The following CHP1 variants were observed in gnomAD, a reference collection of about 807,000 sequenced individuals.
CHP1 encodes calcineurin like EF-hand protein 1, also known as calcineurin B homologous protein 1.
CHP1 carries 11 observed loss-of-function variants against 27.4 expected under a neutral mutation model. The observed-to-expected ratio is 0.40, with a 90% CI of 0.25 to 0.67. The LOEUF is 0.67. CHP1 is among the 30% of genes least tolerant of loss of function. The pLI, the probability that CHP1 is intolerant of heterozygous loss-of-function variation, is 0.38. For synonymous variants in CHP1, 89 were observed against 87.4 expected (o/e 1.02, Z -0.10); for missense variants, 169 against 251.3 (o/e 0.67, Z 2.22).
At position 41,243,305 on chromosome 15, in the gene CHP1, A is replaced by C. The variant is rs540323671; in HGVS notation, c.68-362A>C. Among the ~76,000 whole-genome samples, 18 of 152,332 alleles carry C rather than the reference A, an allele frequency of 1.2e-4. No individual in the cohort carries two copies. In the East Asian group the frequency reaches 3.5e-3, roughly 29 times the overall value. ...GCAGTGAGTGAGATCGTGCCACTGC[A>C]CTCCAGCCTGGGTGACAAGAGCAAA... On this transcript the variant is annotated intron_variant, in intron 1 of 6. Coordinates refer to ENST00000334660, the MANE Select transcript of CHP1 (RefSeq NM_007236.5).
intron 2 of CHP1, among the ~76,000 whole-genome samples, chr15:41,250,034 C>T (rs575156949): frequency 6.7e-6 from 1 of 150,040 alleles, no homozygotes; most frequent in South Asian, 2.1e-4. Context: ...CAGAGACTCA[C>T]TCCGAAGCAT....
At chr15:41,245,965 T>C (rs2047332494) in intron 2 of CHP1, among the ~76,000 whole-genome samples, 1 of 152,332 alleles carries the variant, frequency 6.6e-6, no homozygotes, top group South Asian at 2.1e-4. Context: ...TTGATTTATT[T>C]TGAGTTGGTT....
intron 3 of CHP1, among the ~76,000 whole-genome samples, chr15:41,259,037 T>G (rs898558289): frequency 1.1e-4 from 16 of 152,206 alleles, no homozygotes; most frequent in African/African-American, 3.9e-4. Flanking sequence ...TCTTATGCCC[T>G]CTTTCATTTT....
rs148190589 is a variant in CHP1 at position 41,277,074 on chromosome 15, T to C, written c.412-1693T>C. ...ACCTAGATAAGTTCTGCTTACATCA[T>C]TGCCTAGATGAGAAGATAAAGGTTT... On this transcript the variant is annotated intron_variant, in intron 5 of 6. Transcript: ENST00000334660. 8.5e-3 allele frequency among the ~76,000 whole-genome samples: 1,291 copies of C among 152,334 alleles called. 25 individuals carry two copies. Among genetic ancestry groups the C allele is most frequent in the African/African-American group, 0.029 (1,226 of 41,574 alleles).
chr15:41,256,944 A>G lies in CHP1; in HGVS notation c.175A>G (p.Ile59Val), dbSNP rs558257421. The change falls in exon 3 of 7, where the codon ATC becomes GTC. Residue 59 changes from isoleucine (I) to valine (V), a missense_variant. Physicochemically the swap from Ile to Val is conservative, Grantham distance 29 (BLOSUM62 3). Coordinates refer to ENST00000334660, the MANE Select transcript of CHP1 (RefSeq NM_007236.5). ...TTTCCAGAGGATTCCAGAACTTGCC[A>G]TCAACCCACTGGGGGACCGGATCAT... ...EDFQRIPELA[I>V]NPLGDRIINA... The G allele has an allele frequency of 1.9e-6, 3 of 1,614,146 alleles. No homozygotes were observed. Among genetic ancestry groups the G allele is most frequent in the South Asian group, 1.1e-5 (1 of 91,084 alleles).
chr15:41,240,562 T>C (rs957458707), intron 1 of CHP1, among the ~76,000 whole-genome samples: 1 of 152,042 alleles, frequency 6.6e-6, no homozygotes, highest in Non-Finnish European at 1.5e-5. Flanking sequence ...AAGACCAGCC[T>C]GACCAACATG....
chr15:41,273,600 C>T lies in CHP1; in HGVS notation c.411+2982C>T, dbSNP rs571512604. 1.1e-3 allele frequency among the ~76,000 whole-genome samples: 163 copies of T among 151,222 alleles called. 1 individual carries two copies. The highest frequency in any genetic ancestry group is 1.8e-3 in the Non-Finnish European group (124 of 67,824). ...TTCACCATGTTGGTCAGGGTGGTGTCGATCTCCTGACTTCAGGTGATCCAC... is the reference window on the plus strand; with the variant it reads ...TTCACCATGTTGGTCAGGGTGGTGTTGATCTCCTGACTTCAGGTGATCCAC... On this transcript the variant is annotated intron_variant, in intron 5 of 6. Coordinates refer to ENST00000334660, the MANE Select transcript of CHP1 (RefSeq NM_007236.5).
At chr15:41,232,053 G>A (rs747061498) in intron 1 of CHP1, among the ~76,000 whole-genome samples, 10 of 151,840 alleles carry the variant, frequency 6.6e-5, no homozygotes, top group Non-Finnish European at 1.0e-4. Flanking sequence ...GAAAAAACAC[G>A]GATACTGTGA....
At chr15:41,262,986 T>G (rs1195458197) in intron 4 of CHP1, 103 bp downstream of exon 4, 3 of 1,424,996 alleles carry the variant, frequency 2.1e-6, no homozygotes, top group African/African-American at 1.4e-5. Flanking sequence ...AAGAGCATAC[T>G]GGTTAAGACC....
chr15:41,277,951 G>C (rs2140945195), intron 5 of CHP1, among the ~76,000 whole-genome samples: 1 of 151,648 alleles, frequency 6.6e-6, no homozygotes, highest in East Asian at 1.9e-4. Flanking sequence ...GCGAGACCCT[G>C]TCTCAAAAAA....
At chr15:41,272,587 A>AT (rs1290334753) in intron 5 of CHP1, among the ~76,000 whole-genome samples, 2 of 149,708 alleles carry the variant, frequency 1.3e-5, no homozygotes, top group African/African-American at 4.9e-5. Context: ...TACCCAGCTA[A>AT]TTTTTGTGTT....
intron 6 of CHP1, 99 bp downstream of exon 6, chr15:41,278,988 G>A (rs11635565): frequency 0.23 from 326,238 of 1,439,628 alleles, 38,946 homozygotes; most frequent in Non-Finnish European, 0.25. Context: ...CAAGGTGGGC[G>A]GATCACGAGG....
At chr15:41,262,188 T>C (rs2047437150) in intron 3 of CHP1, among the ~76,000 whole-genome samples, 1 of 151,960 alleles carries the variant, frequency 6.6e-6, no homozygotes, top group Non-Finnish European at 1.5e-5. Context: ...AGCAAGACTT[T>C]ATTTATTTAT....
rs535457262 is a variant in CHP1 at position 41,259,525 on chromosome 15, C to CTTT, written c.221+2551_221+2553dup. Among the ~76,000 whole-genome samples the CTTT allele has an allele frequency of 1.3e-3, 156 of 116,038 alleles. 2 individuals carry two copies. The highest frequency in any genetic ancestry group is 4.8e-3 in the Middle Eastern group (1 of 210). The allele number at this position is 116,038 out of a possible 152,430, so 76.1% of individuals were successfully genotyped here. A position where few individuals can be genotyped will look rare whatever the true frequency, so the allele number is the denominator to read the frequency against. On this transcript the variant is annotated intron_variant, in intron 3 of 6. Transcript: ENST00000334660. ...TTCCCTAGGCATATGCACATTGGGG[C>CTTT]TTTTTTTTTTTTTTTTTTAAAGAAT...
intron 4 of CHP1, among the ~76,000 whole-genome samples, chr15:41,264,471 A>T: frequency 6.6e-6 from 1 of 152,058 alleles, no homozygotes. Context: ...ATAGGGTCTC[A>T]CTCTGTCACC....
intron 2 of CHP1, among the ~76,000 whole-genome samples, chr15:41,250,320 A>G (rs1464659548): frequency 6.6e-6 from 1 of 152,114 alleles, no homozygotes; most frequent in Non-Finnish European, 1.5e-5. Context: ...ATAAATATAC[A>G]CTGTAACCTT....
At chr15:41,237,587 G>A (rs1398643653) in intron 1 of CHP1, among the ~76,000 whole-genome samples, 1 of 152,144 alleles carries the variant, frequency 6.6e-6, no homozygotes, top group African/African-American at 2.4e-5. Flanking sequence ...GGAATGTTAA[G>A]GTGTAGTCTA....
At chr15:41,253,668 T>A (rs1030827424) in intron 2 of CHP1, among the ~76,000 whole-genome samples, 2 of 150,988 alleles carry the variant, frequency 1.3e-5, no homozygotes, top group Non-Finnish European at 3.0e-5. Flanking sequence ...GTTAGCCAGG[T>A]TGGTCTTCAT....
intron 1 of CHP1, among the ~76,000 whole-genome samples, chr15:41,236,140 G>A (rs2047275735): frequency 6.7e-6 from 1 of 149,854 alleles, no homozygotes; most frequent in African/African-American, 2.5e-5. Flanking sequence ...GTGCAGTGGT[G>A]CAATCATAGC....
Sources: allele counts gnomAD v4.1 joint callset (sites outside exome capture counted in the v4.1 genomes callset), GRCh38; gene constraint gnomAD v4.1.1; transcripts MANE v1.5; gene names NCBI Gene and HGNC (gene_info 2026-07-23, HGNC 2026-07-21).